Variants in KIF24 observed in about 807,000 individuals in gnomAD.
KIF24 encodes the protein kinesin-like protein KIF24.
A neutral mutation model predicts 118.9 loss-of-function variants in KIF24; 81 were observed. The ratio of observed to expected loss-of-function variants is 0.68; its 90% CI spans 0.57 to 0.82. KIF24 has a LOEUF of 0.82. Ranked by LOEUF, KIF24 falls within the 40% of genes least tolerant of loss-of-function variation. The pLI is 0.00. For missense variants in KIF24, 1,560 were observed against 1,661.6 expected, an observed-to-expected ratio of 0.94 and a Z score of 1.06; for synonymous variants, 599 against 610.0, an observed-to-expected ratio of 0.98 and a Z score of 0.27.
intron 8 of KIF24, 132 bp downstream of exon 8, chr9:34,269,125 C>T (rs762783916): frequency 5.9e-6 from 3 of 504,218 alleles, no homozygotes; most frequent in Non-Finnish European, 1.1e-5. Flanking sequence ...ATCTCCAACC[C>T]TGGCATTCTA....
chr9:34,282,589 C>A (rs1835886124), intron 6 of KIF24: 1 of 152,060 alleles, frequency 6.6e-6, no homozygotes, highest in South Asian at 2.1e-4. Flanking sequence ...CAAGCTCCTA[C>A]TCCATCTCCC....
chr9:34,291,482 T>C (rs1836252107), intron 4 of KIF24, among the ~76,000 whole-genome samples: 1 of 152,238 alleles, frequency 6.6e-6, no homozygotes, highest in Non-Finnish European at 1.5e-5. Context: ...GTAGATTGGT[T>C]TCTAAGATCC....
At chr9:34,301,129 T>C (rs975892702) in intron 3 of KIF24, among the ~76,000 whole-genome samples, 4 of 152,360 alleles carry the variant, frequency 2.6e-5, no homozygotes, top group Non-Finnish European at 5.9e-5. Context: ...TTATAGTTAA[T>C]GTATATACAC....
upstream of KIF24, among the ~76,000 whole-genome samples, chr9:34,330,109 C>A (rs1228240426): frequency 6.6e-6 from 1 of 152,250 alleles, no homozygotes; most frequent in Admixed American, 6.5e-5. Flanking sequence ...AAAGGGACAG[C>A]GTAAACAATG....
intron 4 of KIF24, 94 bp downstream of exon 4, chr9:34,296,923 A>G: frequency 1.7e-6 from 1 of 601,368 alleles, no homozygotes; most frequent in Admixed American, 3.3e-5. Context: ...GTTTAAGTCA[A>G]AAGTACTGAA....
At chr9:34,287,842 G>A (rs10814091) in intron 5 of KIF24, among the ~76,000 whole-genome samples, 26,141 of 150,968 alleles carry the variant, frequency 0.17, 2,497 homozygotes, top group East Asian at 0.42. Context: ...GCTGTAGTAC[G>A]CTATGATTGC....
intron 6 of KIF24, among the ~76,000 whole-genome samples, chr9:34,286,366 G>A (rs1587939275): frequency 6.6e-6 from 1 of 152,028 alleles, no homozygotes. Flanking sequence ...AAAGAAACTG[G>A]CCCAGTAGTA....
intron 6 of KIF24, among the ~76,000 whole-genome samples, chr9:34,275,299 C>T (rs576250298): frequency 2.0e-5 from 3 of 152,204 alleles, no homozygotes; most frequent in African/African-American, 7.2e-5. Flanking sequence ...GAGGCTGAGG[C>T]ATGAGAATTG....
At chr9:34,288,465 G>A (rs1480565182) in intron 5 of KIF24, among the ~76,000 whole-genome samples, 2 of 151,698 alleles carry the variant, frequency 1.3e-5, no homozygotes, top group African/African-American at 4.8e-5. Context: ...TCCAGCCTGG[G>A]CGACAGAGCA....
At chr9:34,254,615 G>T in intron 12 of KIF24, 95 bp from the exon 13 acceptor site, 1 of 1,301,778 alleles carries the variant, frequency 7.7e-7, no homozygotes, top group Non-Finnish European at 1.1e-6. Context: ...GAAAGTTTCA[G>T]AACCCAGGCC....
At chr9:34,309,280 G>A (rs573152660) in intron 2 of KIF24, among the ~76,000 whole-genome samples, 6 of 152,134 alleles carry the variant, frequency 3.9e-5, no homozygotes, top group African/African-American at 1.4e-4. Context: ...GGTGGCTCAC[G>A]CCTGTAATCC....
At chr9:34,281,466 C>A (rs532315282) in intron 6 of KIF24, among the ~76,000 whole-genome samples, 2 of 152,322 alleles carry the variant, frequency 1.3e-5, no homozygotes, top group South Asian at 4.1e-4. Flanking sequence ...TGGGTTATCA[C>A]TTGATTTTAA....
At chr9:34,316,798 G>A (rs965111651) in intron 1 of KIF24, among the ~76,000 whole-genome samples, 19 of 152,074 alleles carry the variant, frequency 1.2e-4, no homozygotes, top group Non-Finnish European at 2.4e-4. Context: ...CTGGCTGGGC[G>A]CGGTGGCTCA....
At chr9:34,289,091 G>A (rs767427913) in intron 5 of KIF24, among the ~76,000 whole-genome samples, 6 of 152,002 alleles carry the variant, frequency 3.9e-5, no homozygotes, top group South Asian at 2.1e-4. Flanking sequence ...CTTTTATTTC[G>A]CAGTTGTTTG....
Position 34,269,285 on chromosome 9 carries a change from C to A in KIF24, c.1415G>T (p.Gly472Val). 6.2e-7 allele frequency: 1 copy of A among 1,610,160 alleles called. No individual in the cohort carries two copies. The highest frequency in any genetic ancestry group is 8.5e-7 in the Non-Finnish European group (1 of 1,177,098). ...RDSDRQTKME[G>V]AEINQSLLAL... The stretch of plus-strand genomic sequence containing the variant: ...CAGTAGACTCTGATTTATTTCTGCA[C>A]CTTCCATCTTTGTCTGTCTATCTGA... Residue 472 changes from glycine (G) to valine (V), a missense_variant, in exon 8 of 13, where the codon GGT (glycine) becomes GTT (valine). Around this residue, in one of 3 missense-constraint regions of KIF24, gnomAD observed 964 missense variants for 988.0 expected, o/e 0.98. Transcript: ENST00000402558.
At position 34,318,607 on chromosome 9, in the gene KIF24, G is replaced by A; in HGVS notation, c.-25-7236C>T. On this transcript the variant is annotated intron_variant, in intron 1 of 12. Coordinates refer to ENST00000402558, the MANE Select transcript of KIF24 (RefSeq NM_194313.4). This position sits in a 1 kb window ranked among gnomAD's most constrained non-coding sequence, Gnocchi z 4.9. Reference sequence around the variant, plus strand: ...AGGACCAGGCGGTGGAGAACATCCTGGTGTCGCCCGTGGTGGTGGCCTCGT... The same window carrying A: ...AGGACCAGGCGGTGGAGAACATCCTAGTGTCGCCCGTGGTGGTGGCCTCGT... 2.0e-6 allele frequency: 3 copies of A among 1,474,274 alleles called. No homozygotes were observed. The highest frequency in any genetic ancestry group is 2.8e-6 in the Non-Finnish European group (3 of 1,070,152). The allele number at this position is 1,474,274 out of a possible 1,614,324, so 91.3% of individuals were successfully genotyped here.
Position 34,313,736 on chromosome 9 carries a change from CTGTTTTTTTTTTTT to C in KIF24, c.-25-2379_-25-2366del, listed in dbSNP as rs1047699831. On this transcript the variant is annotated intron_variant, in intron 1 of 12. Transcript: ENST00000402558. Reference sequence around the variant, plus strand: ...TCACATGTATAGCTTCCCCCGTTATCTGTTTTTTTTTTTTTGTTTTTTTTTTTTTGAGGGATGGT... The same window carrying C: ...TCACATGTATAGCTTCCCCCGTTATCTGTTTTTTTTTTTTTGAGGGATGGT... Among the ~76,000 whole-genome samples the C allele has an allele frequency of 7.0e-4, 89 of 127,154 alleles. 2 individuals carry two copies. Among genetic ancestry groups the C allele is most frequent in the South Asian group, 2.2e-3 (8 of 3,662 alleles). 83.4% of individuals were successfully genotyped at this position (127,154 alleles called of 152,430 possible). A position where few individuals can be genotyped will look rare whatever the true frequency, so the allele number is the denominator to read the frequency against.
intron 6 of KIF24, among the ~76,000 whole-genome samples, chr9:34,284,370 CAG>C (rs1835960241): frequency 6.6e-6 from 1 of 152,104 alleles, no homozygotes; most frequent in Non-Finnish European, 1.5e-5. Context: ...GTGCTCTGTA[CAG>C]AAATACATGT....
chr9:34,328,918 A>AT (rs995384713), intron 1 of KIF24, among the ~76,000 whole-genome samples, 188 bp downstream of exon 1: 1 of 152,198 alleles, frequency 6.6e-6, no homozygotes, highest in Non-Finnish European at 1.5e-5. Flanking sequence ...AAAGGCAGAG[A>AT]TATGGGGATG....
Sources: allele counts gnomAD v4.1 joint callset (sites outside exome capture counted in the v4.1 genomes callset), GRCh38; gene constraint gnomAD v4.1.1; regional missense constraint gnomAD v4.1.1; non-coding constraint Gnocchi (gnomAD v3.1); transcripts MANE v1.5; gene names NCBI Gene and HGNC (gene_info 2026-07-23, HGNC 2026-07-21).